Variants in ACSL1 observed in about 807,000 individuals in gnomAD.
ACSL1 encodes long-chain-fatty-acid--CoA ligase 1.
A neutral mutation model predicts 98.4 loss-of-function variants in ACSL1; 41 were observed. The ratio of observed to expected loss-of-function variants is 0.42; its 90% confidence interval spans 0.32 to 0.54. The LOEUF (loss-of-function observed/expected upper bound fraction) is 0.54, where lower values mean the gene tolerates loss of function less well. Ranked by LOEUF, ACSL1 falls within the 20% of genes least tolerant of loss-of-function variation. The pLI is 0.13. For synonymous variants in ACSL1, 316 were observed against 322.7 expected, an observed-to-expected ratio of 0.98 and a Z score of 0.22; for missense variants, 734 against 883.1, an observed-to-expected ratio of 0.83 and a Z score of 2.14.
rs182218633 is a variant in ACSL1, at chr4:184,776,772, T to C, written c.578-110A>G. 9 of 1,479,110 alleles carry C rather than the reference T, an allele frequency of 6.1e-6. No individual in the cohort carries two copies. The Admixed American group carries it at 8.1e-5, about 13-fold the overall frequency. 91.6% of individuals were successfully genotyped at this position (1,479,110 alleles called of 1,614,324 possible). On this transcript the variant is annotated intron_variant, in intron 6 of 20. Transcript: ENST00000281455. Reference sequence around the variant, plus strand: ...GTACTACATTCTTTGAATAAAAAGGTAGATATATATTTACATGTAAAATCT... The same window carrying C: ...GTACTACATTCTTTGAATAAAAAGGCAGATATATATTTACATGTAAAATCT...
chr4:184,785,468 T>C (rs902086309), intron 3 of ACSL1, among the ~76,000 whole-genome samples: 1 of 152,132 alleles, frequency 6.6e-6, no homozygotes, highest in African/African-American at 2.4e-5. Flanking sequence ...TTAAAAACTC[T>C]AGGCGGGCTG....
intron 4 of ACSL1, among the ~76,000 whole-genome samples, chr4:184,783,675 A>G (rs1256587652): frequency 6.6e-6 from 1 of 152,258 alleles, no homozygotes; most frequent in African/African-American, 2.4e-5. Context: ...TATCTTAAAA[A>G]TTATACTTGA....
In ACSL1 at chr4:184,807,869, C is replaced by T. The variant is rs545714366; in HGVS notation, c.-32-4323G>A. On this transcript the variant is annotated intron_variant, in intron 1 of 20. Coordinates refer to ENST00000281455, the MANE Select transcript of ACSL1 (RefSeq NM_001995.5). ...CCAACCAATGTGACTCTAAATCCAA[C>T]CTATGCTAATAATTCTTAACTATGC... 4.5e-4 allele frequency among the ~76,000 whole-genome samples: 68 copies of T among 152,286 alleles called. 1 individual carries two copies. Among genetic ancestry groups the T allele is most frequent in the African/African-American group, 1.6e-3 (66 of 41,542 alleles).
chr4:184,766,745 T>G lies in ACSL1; in HGVS notation c.1140A>C (p.Gln380His). 1 of 1,611,864 alleles carries G rather than the reference T, an allele frequency of 6.2e-7. No individual in the cohort carries two copies. Among genetic ancestry groups the G allele is most frequent in the Non-Finnish European group, 8.5e-7 (1 of 1,178,162 alleles). The change falls in exon 13 of 21, where the codon CAA (glutamine) becomes CAC (histidine). Residue 380 changes from glutamine (Q) to histidine (H), a missense_variant. Coordinates refer to ENST00000281455, the MANE Select transcript of ACSL1 (RefSeq NM_001995.5). This position sits in a 1 kb window ranked among gnomAD's most constrained non-coding sequence, Gnocchi z 4.8. ...GCCATCGCTTCAGCGTGGTGTTTGC[T>G]TGTCCGAAAATCTAATGAGGCAAGA... ...LNRMFDRIFG[Q>H]ANTTLKRWLL... is the part of the protein sequence containing the mutation.
chr4:184,823,139 G>A (rs2150507394), intron 1 of ACSL1, among the ~76,000 whole-genome samples: 1 of 152,314 alleles, frequency 6.6e-6, no homozygotes, highest in East Asian at 1.9e-4. Flanking sequence ...GTGTTTGTCT[G>A]ACTACCAAGT....
At chr4:184,782,073 C>T (rs1017034318) in intron 4 of ACSL1, among the ~76,000 whole-genome samples, 1 of 152,106 alleles carries the variant, frequency 6.6e-6, no homozygotes, top group South Asian at 2.1e-4. Context: ...ACAGACTGAT[C>T]GTGGTAAGGT....
chr4:184,776,879 C>T lies in ACSL1; in HGVS notation c.577+5G>A, dbSNP rs756589546. ...CAATAATCCAGGCAAAGATCACAGACGTACCTTTGTTGACTATGTACGTGA... is the reference window on the plus strand; with the variant it reads ...CAATAATCCAGGCAAAGATCACAGATGTACCTTTGTTGACTATGTACGTGA... On this transcript the variant is annotated splice_donor_5th_base_variant and intron_variant, in intron 6 of 20. Transcript: ENST00000281455. The T allele has an allele frequency of 9.9e-5, 160 of 1,613,116 alleles. No individual in the cohort carries two copies. In the East Asian group the frequency reaches 2.8e-3, roughly 28 times the overall value.
chr4:184,769,197 T>C (rs1764121815), intron 11 of ACSL1, among the ~76,000 whole-genome samples: 1 of 152,162 alleles, frequency 6.6e-6, no homozygotes, highest in Non-Finnish European at 1.5e-5. Flanking sequence ...TGTTTGAATC[T>C]AACTAGAAGT....
At chr4:184,768,144 C>A (rs2150299972) in intron 12 of ACSL1, 172 bp downstream of exon 12, 1 of 625,308 alleles carries the variant, frequency 1.6e-6, no homozygotes, top group Non-Finnish European at 2.6e-6. Context: ...CCTTATCAGC[C>A]ACTCTGAGAG....
Position 184,782,203 on chromosome 4 carries a change from G to A in ACSL1, c.375+1724C>T, listed in dbSNP as rs148299321. Among the ~76,000 whole-genome samples, 5 of 151,338 alleles carry A rather than the reference G, an allele frequency of 3.3e-5. No individual in the cohort carries two copies. The East Asian group carries it at 9.7e-4, about 29-fold the overall frequency. On this transcript the variant is annotated intron_variant, in intron 4 of 20. Coordinates refer to ENST00000281455, the MANE Select transcript of ACSL1 (RefSeq NM_001995.5). Reference sequence around the variant, plus strand: ...AAAGCCTGCAATTGGATGCTATACAGCTGGTAAATATGATTGAATAATACA... The same window carrying A: ...AAAGCCTGCAATTGGATGCTATACAACTGGTAAATATGATTGAATAATACA...
At chr4:184,824,514 G>A (rs764093652) in intron 1 of ACSL1, among the ~76,000 whole-genome samples, 2 of 152,174 alleles carry the variant, frequency 1.3e-5, no homozygotes, top group Non-Finnish European at 2.9e-5. Flanking sequence ...GGTATAAGGT[G>A]TGCGGCTAAC....
intron 4 of ACSL1, among the ~76,000 whole-genome samples, chr4:184,781,004 C>T (rs572071984): frequency 7.1e-6 from 1 of 140,498 alleles, no homozygotes; most frequent in South Asian, 2.2e-4. Context: ...TTTGGGAGGC[C>T]GAGGCAGGCA....
At position 184,763,245 on chromosome 4, in the gene ACSL1, C is replaced by T. The variant is rs199793459; in HGVS notation, c.1443G>A (p.Gly481=). The change falls in exon 16 of 21, where the codon GGG becomes GGA. Residue 481 remains glycine, a synonymous_variant. Transcript: ENST00000281455. The part of the protein sequence containing the change: ...MPGDWTAGHV[G]APMPCNLIKL... ...TTATCAAATTGCACGGCATCGGGGCCCCAACATGGCCTGTATATTAAATAA... is the reference window on the plus strand; with the variant it reads ...TTATCAAATTGCACGGCATCGGGGCTCCAACATGGCCTGTATATTAAATAA... The T allele has an allele frequency of 1.2e-5, 19 of 1,613,830 alleles. No homozygotes were observed. The East Asian group carries it at 4.2e-4, about 36-fold the overall frequency.
intron 5 of ACSL1, among the ~76,000 whole-genome samples, chr4:184,777,236 G>A (rs1765429695): frequency 6.6e-6 from 1 of 152,240 alleles, no homozygotes; most frequent in Non-Finnish European, 1.5e-5. Flanking sequence ...GGGAGGCCAA[G>A]GTTGGGGGAA....
intron 2 of ACSL1, chr4:184,798,771 C>T (rs1769913880): frequency 6.6e-6 from 1 of 152,360 alleles, no homozygotes; most frequent in African/African-American, 2.4e-5. Context: ...GGTGTAGCTG[C>T]AGACGGAGAT....
chr4:184,764,772 C>T, intron 15 of ACSL1, 81 bp downstream of exon 15: 1 of 1,249,434 alleles, frequency 8.0e-7, no homozygotes, highest in Non-Finnish European at 1.1e-6. Context: ...ATGAACCAGT[C>T]AGTGATTAAC....
At chr4:184,812,411 G>T (rs1772211123) in intron 1 of ACSL1, among the ~76,000 whole-genome samples, 1 of 152,150 alleles carries the variant, frequency 6.6e-6, no homozygotes, top group South Asian at 2.1e-4. Flanking sequence ...CAAAAAGAAA[G>T]GGGGTATTAA....
intron 10 of ACSL1, among the ~76,000 whole-genome samples, chr4:184,771,391 G>C (rs1764492170): frequency 2.6e-5 from 4 of 152,150 alleles, no homozygotes; most frequent in Admixed American, 2.6e-4. Context: ...GAAGATAAAA[G>C]AAGGTGGATT....
intron 17 of ACSL1, 109 bp from the exon 18 acceptor site, chr4:184,760,609 C>T: frequency 1.4e-6 from 2 of 1,422,968 alleles, no homozygotes; most frequent in Non-Finnish European, 9.6e-7. Context: ...TTGATTAATT[C>T]TAATAACATC....
Sources: gnomAD v4.1 joint callset for allele counts (sites outside exome capture counted in the v4.1 genomes callset) on GRCh38, gnomAD v4.1.1 for gene constraint, Gnocchi (gnomAD v3.1) non-coding constraint, MANE v1.5 for transcripts, NCBI Gene and HGNC (gene_info 2026-07-23, HGNC 2026-07-21) for gene names.